Variants in PRKG2 observed in about 807,000 individuals in gnomAD.
PRKG2 encodes the protein cGMP-dependent protein kinase 2.
Under a neutral mutation model 97.2 loss-of-function variants are expected in PRKG2, and 33 were observed. The observed-to-expected ratio is 0.34, with a 90% CI of 0.26 to 0.45. The LOEUF (loss-of-function observed/expected upper bound fraction) is 0.45. PRKG2 is among the 20% of genes least tolerant of loss of function. The pLI is 1.00. For missense variants in PRKG2, 638 were observed against 900.0 expected (o/e 0.71, Z 3.73); for synonymous variants, 330 against 321.8 (o/e 1.03, Z -0.27).
At chr4:81,112,822 G>A (rs1362052248) in intron 14 of PRKG2, among the ~76,000 whole-genome samples, 2 of 152,102 alleles carry the variant, frequency 1.3e-5, no homozygotes, top group Admixed American at 6.6e-5. Context: ...TAAAAATCAC[G>A]CTATGTCTGT....
intron 2 of PRKG2, among the ~76,000 whole-genome samples, chr4:81,182,938 A>G (rs1322356294): frequency 6.6e-6 from 1 of 152,086 alleles, no homozygotes; most frequent in Non-Finnish European, 1.5e-5. Context: ...CTATATTTTT[A>G]ATTATGTTAA....
intron 15 of PRKG2, among the ~76,000 whole-genome samples, chr4:81,108,582 A>G (rs1743595237): frequency 6.6e-6 from 1 of 152,028 alleles, no homozygotes; most frequent in African/African-American, 2.4e-5. Context: ...TTACAGGTCA[A>G]ACAAAACAAT....
chr4:81,125,276 C>T (rs1745443370), intron 14 of PRKG2, among the ~76,000 whole-genome samples: 1 of 152,070 alleles, frequency 6.6e-6, no homozygotes, highest in Non-Finnish European at 1.5e-5. Context: ...GAGGCATTCC[C>T]GTTATTTCAA....
intron 2 of PRKG2, among the ~76,000 whole-genome samples, chr4:81,202,948 A>T (rs1753408727): frequency 6.6e-6 from 1 of 152,012 alleles, no homozygotes; most frequent in African/African-American, 2.4e-5. Flanking sequence ...ATTGCTACTA[A>T]ATTCTCTTAC....
chr4:81,164,467 G>T (rs1749819774), intron 6 of PRKG2, among the ~76,000 whole-genome samples: 2 of 152,006 alleles, frequency 1.3e-5, no homozygotes, highest in Non-Finnish European at 2.9e-5. Context: ...AAAAATCCTG[G>T]TTTATGCGAG....
chr4:81,162,129 GATTAT>G (rs1749632375), intron 6 of PRKG2, among the ~76,000 whole-genome samples: 1 of 152,134 alleles, frequency 6.6e-6, no homozygotes, highest in East Asian at 1.9e-4. Flanking sequence ...GTAAAATTAA[GATTAT>G]ATTTACTACT....
chr4:81,143,056 T>C, intron 10 of PRKG2, 109 bp from the exon 11 acceptor site: 1 of 1,331,172 alleles, frequency 7.5e-7, no homozygotes, highest in Non-Finnish European at 1.0e-6. Context: ...GTAACTATGA[T>C]TTATAGTTGC....
chr4:81,207,722 G>A (rs956317192), intron 1 of PRKG2, among the ~76,000 whole-genome samples: 2 of 152,156 alleles, frequency 1.3e-5, no homozygotes, highest in Non-Finnish European at 2.9e-5. Context: ...GAATTTCAAA[G>A]AGGGGTAAAA....
intron 6 of PRKG2, among the ~76,000 whole-genome samples, chr4:81,155,177 CAAA>C (rs57874087): frequency 1.3e-5 from 1 of 74,380 alleles, no homozygotes. Context: ...GACTCCGTCT[CAAA>C]AAAAAAAAAA....
chr4:81,132,521 T>C (rs932975344), intron 14 of PRKG2, among the ~76,000 whole-genome samples: 2 of 152,206 alleles, frequency 1.3e-5, no homozygotes, highest in Non-Finnish European at 2.9e-5. Flanking sequence ...TAGAGGTTTA[T>C]TCCCCATTCC....
intron 17 of PRKG2, among the ~76,000 whole-genome samples, chr4:81,099,329 C>A (rs1339305078): frequency 2.0e-5 from 3 of 152,030 alleles, no homozygotes; most frequent in African/African-American, 7.2e-5. Flanking sequence ...TACTGGCAAA[C>A]CGAATCCAGC....
intron 3 of PRKG2, among the ~76,000 whole-genome samples, chr4:81,174,355 T>C (rs1750738531): frequency 6.6e-6 from 1 of 152,062 alleles, no homozygotes; most frequent in Admixed American, 6.6e-5. Context: ...AGCAGCAGTA[T>C]TTGAATAAAA....
intron 6 of PRKG2, among the ~76,000 whole-genome samples, chr4:81,160,126 T>G (rs1266285169): frequency 6.6e-6 from 1 of 151,728 alleles, no homozygotes; most frequent in Non-Finnish European, 1.5e-5. Context: ...AAAAAATAAA[T>G]AAATAAATAA....
chr4:81,172,515 A>G (rs1194334922), intron 3 of PRKG2, among the ~76,000 whole-genome samples: 1 of 152,182 alleles, frequency 6.6e-6, no homozygotes, highest in African/African-American at 2.4e-5. Context: ...ATCACTAAGA[A>G]GAGTGTTTGG....
intron 2 of PRKG2, among the ~76,000 whole-genome samples, chr4:81,184,548 A>G (rs1237051116): frequency 6.6e-6 from 1 of 152,172 alleles, no homozygotes. Flanking sequence ...ACCAGTACAA[A>G]AAGGCTGAAA....
chr4:81,202,181 A>G (rs1423600274), intron 2 of PRKG2, among the ~76,000 whole-genome samples: 1 of 152,214 alleles, frequency 6.6e-6, no homozygotes, highest in East Asian at 1.9e-4. Context: ...CAAATTTTTG[A>G]CAGGCTGTAT....
chr4:81,186,780 C>T (rs554620022), intron 2 of PRKG2, among the ~76,000 whole-genome samples: 7 of 152,080 alleles, frequency 4.6e-5, no homozygotes, highest in Non-Finnish European at 5.9e-5. Context: ...CAATAACAAA[C>T]GATAAAGGGG....
At chr4:81,194,935 T>TAC (rs927289081) in intron 2 of PRKG2, among the ~76,000 whole-genome samples, 7 of 151,936 alleles carry the variant, frequency 4.6e-5, no homozygotes, top group East Asian at 1.9e-4. Context: ...TATATATATA[T>TAC]ACGCACCTAT....
chr4:81,151,637 C>T (rs2061650627), intron 8 of PRKG2, among the ~76,000 whole-genome samples: 1 of 151,972 alleles, frequency 6.6e-6, no homozygotes, highest in Admixed American at 6.6e-5. Flanking sequence ...GGCAATATTT[C>T]AAATGTTGGG....
Sources: gnomAD v4.1 joint callset for allele counts (sites outside exome capture counted in the v4.1 genomes callset) on GRCh38, gnomAD v4.1.1 for gene constraint, MANE v1.5 for transcripts, NCBI Gene and HGNC (gene_info 2026-07-23, HGNC 2026-07-21) for gene names.